The following LIX1 variants were observed in gnomAD, a reference collection of about 807,000 sequenced individuals.
LIX1 encodes limb and CNS expressed 1.
A neutral mutation model predicts 33.4 loss-of-function variants in LIX1; 24 were observed. That is an observed-to-expected ratio of 0.72 (90% CI 0.52 to 1.01). The LOEUF (loss-of-function observed/expected upper bound fraction) is 1.01. Ranked by LOEUF, LIX1 falls within the 50% of genes least tolerant of loss-of-function variation. The probability of loss-of-function intolerance (pLI) is 0.00; values close to 1 mark genes in which losing one functional copy is unlikely to be tolerated. For synonymous variants in LIX1, 124 were observed against 124.0 expected (o/e 1.00, Z 0.00); for missense variants, 311 against 339.2 (o/e 0.92, Z 0.65).
At chr5:97,114,901 G>T (rs76638491) in intron 2 of LIX1, among the ~76,000 whole-genome samples, 13 of 152,274 alleles carry the variant, frequency 8.5e-5, no homozygotes, top group African/African-American at 2.9e-4. Flanking sequence ...TCATTGTAAA[G>T]CCACTTCTGC....
At chr5:97,136,024 T>G (rs1282147482) in intron 1 of LIX1, among the ~76,000 whole-genome samples, 2 of 152,208 alleles carry the variant, frequency 1.3e-5, no homozygotes, top group Admixed American at 1.3e-4. Flanking sequence ...CTCAAGATCC[T>G]GCCACAGCTA....
chr5:97,136,996 C>A, intron 1 of LIX1: 1 of 312,136 alleles, frequency 3.2e-6, no homozygotes, highest in Non-Finnish European at 6.4e-6. Context: ...AAAGAAGATT[C>A]TTTTATGAAA....
At chr5:97,102,714 G>A (rs1160885787) in intron 4 of LIX1, among the ~76,000 whole-genome samples, 1 of 151,070 alleles carries the variant, frequency 6.6e-6, no homozygotes, top group East Asian at 1.9e-4. Context: ...ATAGTACTTG[G>A]AAGGAATTTT....
rs746674529 is a variant in LIX1 at position 97,124,494 on chromosome 5, G to C, written c.218C>G (p.Pro73Arg). The change falls in exon 2 of 6, where the codon CCA becomes CGA. Residue 73 changes from proline to arginine, a missense_variant. Transcript: ENST00000274382. ...AAAGTTGCCAAAACAGCTTCCCCCT[G>C]GGAGGGTCACGTAACTCACAAAGGG... ...GPPFVSYVTLPGGSCFGNFQC... is the reference protein window; with the variant it reads ...GPPFVSYVTLRGGSCFGNFQC... The C allele has an allele frequency of 6.2e-7, 1 of 1,607,480 alleles. No individual in the cohort carries two copies. The highest frequency in any genetic ancestry group is 8.5e-7 in the Non-Finnish European group (1 of 1,176,226).
At position 97,124,636 on chromosome 5, in the gene LIX1, A is replaced by G; in HGVS notation, c.83-7T>C. The G allele has an allele frequency of 6.2e-7, 1 of 1,605,016 alleles. No individual in the cohort carries two copies. The highest frequency in any genetic ancestry group is 8.5e-7 in the Non-Finnish European group (1 of 1,174,930). ...AACATTGACACAACGTTCACTGAAAAAGACAAGAAACACCATCAGTTATTA... is the reference window on the plus strand; with the variant it reads ...AACATTGACACAACGTTCACTGAAAGAGACAAGAAACACCATCAGTTATTA... On this transcript the variant is annotated splice_polypyrimidine_tract_variant and splice_region_variant and intron_variant, in intron 1 of 5. Coordinates refer to ENST00000274382, the MANE Select transcript of LIX1 (RefSeq NM_153234.5).
rs77723769 is a variant in LIX1, at chr5:97,113,717, C to G, written c.247-6217G>C. Among the ~76,000 whole-genome samples, 77 of 152,282 alleles carry G rather than the reference C, an allele frequency of 5.1e-4. 1 individual carries two copies. The East Asian group carries it at 0.014, about 27-fold the overall frequency. On this transcript the variant is annotated intron_variant, in intron 2 of 5. Coordinates refer to ENST00000274382, the MANE Select transcript of LIX1 (RefSeq NM_153234.5). Reference sequence around the variant, plus strand: ...TTTGCTCTTCACAGAAATGGCCACCCACTTTGGAATAAAGAGGACATATAA... The same window carrying G: ...TTTGCTCTTCACAGAAATGGCCACCGACTTTGGAATAAAGAGGACATATAA...
At chr5:97,098,103 G>A (rs897286976) in intron 4 of LIX1, among the ~76,000 whole-genome samples, 5 of 152,172 alleles carry the variant, frequency 3.3e-5, no homozygotes, top group Admixed American at 2.6e-4. Flanking sequence ...CAGCTAGATC[G>A]TTAAACTAAA....
intron 1 of LIX1, among the ~76,000 whole-genome samples, chr5:97,126,752 G>C (rs937482853): frequency 6.8e-6 from 1 of 146,172 alleles, no homozygotes; most frequent in Non-Finnish European, 1.5e-5. Context: ...CCATTCTCCT[G>C]CCTCAGCCTC....
chr5:97,104,608 G>A (rs1746914733), intron 4 of LIX1, among the ~76,000 whole-genome samples: 1 of 152,194 alleles, frequency 6.6e-6, no homozygotes, highest in African/African-American at 2.4e-5. Flanking sequence ...AATGTCAGCT[G>A]TTATTACTGC....
At chr5:97,141,383 A>G (rs1486971646) in intron 1 of LIX1, among the ~76,000 whole-genome samples, 1 of 152,232 alleles carries the variant, frequency 6.6e-6, no homozygotes, top group Non-Finnish European at 1.5e-5. Flanking sequence ...GCCTAAAGAC[A>G]ATATTTAAAA....
At position 97,107,389 on chromosome 5, in the gene LIX1, T is replaced by C. The variant is rs1366340722; in HGVS notation, c.358A>G (p.Ser120Gly). 1.2e-6 allele frequency: 2 copies of C among 1,612,392 alleles called. No individual in the cohort carries two copies. The highest frequency in any genetic ancestry group is 1.3e-5 in the African/African-American group (1 of 74,982). ...RRITKEFIME[S>G]VQEAVASTSG... Reference sequence around the variant, plus strand: ...GTGGAGGCTACTGCTTCCTGAACACTTTCCATAATGAATTCCTTGGTGATC... The same window carrying C: ...GTGGAGGCTACTGCTTCCTGAACACCTTCCATAATGAATTCCTTGGTGATC... Residue 120 changes from serine to glycine, a missense_variant, in exon 3 of 6, where the codon AGT (serine) becomes GGT (glycine). Ser to Gly is a moderately conservative substitution (Grantham distance 56). Coordinates refer to ENST00000274382, the MANE Select transcript of LIX1 (RefSeq NM_153234.5).
intron 2 of LIX1, among the ~76,000 whole-genome samples, chr5:97,111,880 AG>A: frequency 6.6e-6 from 1 of 152,370 alleles, no homozygotes; most frequent in South Asian, 2.1e-4. Flanking sequence ...AGCATGAAAA[AG>A]GACTACAGAG....
intron 4 of LIX1, among the ~76,000 whole-genome samples, chr5:97,097,371 G>T (rs1746438883): frequency 6.6e-6 from 1 of 152,154 alleles, no homozygotes. Flanking sequence ...CGTTCCATAA[G>T]TTTAAATAGA....
intron 1 of LIX1, among the ~76,000 whole-genome samples, chr5:97,141,366 G>A (rs949616565): frequency 1.3e-5 from 2 of 152,100 alleles, no homozygotes; most frequent in African/African-American, 4.8e-5. Context: ...CATAGTTATT[G>A]GCAAATGCCT....
At chr5:97,133,710 A>G (rs1314438182) in intron 1 of LIX1, among the ~76,000 whole-genome samples, 1 of 152,248 alleles carries the variant, frequency 6.6e-6, no homozygotes, top group Non-Finnish European at 1.5e-5. Flanking sequence ...ATAAAATGCT[A>G]CATGTCTCAA....
At chr5:97,132,596 T>C (rs114384290) in intron 1 of LIX1, among the ~76,000 whole-genome samples, 130 of 152,292 alleles carry the variant, frequency 8.5e-4, no homozygotes, top group Non-Finnish European at 1.7e-3. Context: ...AGGACTTAGC[T>C]TCTTTTAATA....
At chr5:97,130,338 A>G (rs1580244800) in intron 1 of LIX1, among the ~76,000 whole-genome samples, 1 of 152,212 alleles carries the variant, frequency 6.6e-6, no homozygotes, top group Non-Finnish European at 1.5e-5. Context: ...ATGGCTTTGC[A>G]TTATTTCTCC....
intron 4 of LIX1, among the ~76,000 whole-genome samples, chr5:97,102,479 C>T (rs1023442353): frequency 6.6e-6 from 1 of 152,142 alleles, no homozygotes; most frequent in Admixed American, 6.5e-5. Flanking sequence ...GCCAGTATCC[C>T]TACTAGGGAA....
At position 97,094,899 on chromosome 5, in the gene LIX1, T is replaced by A; in HGVS notation, c.698A>T (p.Glu233Val). 6.2e-7 allele frequency: 1 copy of A among 1,614,188 alleles called. No homozygotes were observed. Among genetic ancestry groups the A allele is most frequent in the Non-Finnish European group, 8.5e-7 (1 of 1,180,036 alleles). ...TTCTTGTCCTGCTTTCCTGGCTTCC[T>A]CCAACTGCCTCAGGGCCATTCGTAG... Reference protein sequence around the residue: ...QELRMALRQLEEARKAGQELR... With the variant: ...QELRMALRQLVEARKAGQELR... The change falls in exon 6 of 6, where the codon GAG becomes GTG. Residue 233 changes from glutamate (E) to valine (V), a missense_variant. Glu to Val is a moderately radical substitution (Grantham distance 121). Transcript: ENST00000274382.
Sources: gnomAD v4.1 joint callset for allele counts (sites outside exome capture counted in the v4.1 genomes callset) on GRCh38, gnomAD v4.1.1 for gene constraint, MANE v1.5 for transcripts, NCBI Gene and HGNC (gene_info 2026-07-23, HGNC 2026-07-21) for gene names.